The following FCGR1A variants were observed in gnomAD, a reference collection of about 807,000 sequenced individuals.
The protein encoded by FCGR1A is high affinity immunoglobulin gamma Fc receptor I.
A neutral mutation model predicts 35.0 loss-of-function variants in FCGR1A; 13 were observed. The ratio of observed to expected loss-of-function variants is 0.37; its 90% CI spans 0.24 to 0.59. The LOEUF (loss-of-function observed/expected upper bound fraction) is 0.59, where lower values mean the gene tolerates loss of function less well. Among genes scored for constraint, FCGR1A ranks in the 20% least tolerant of loss-of-function variants. FCGR1A has a pLI of 0.71. For synonymous variants in FCGR1A, 91 were observed against 164.7 expected (o/e 0.55, Z 3.43); for missense variants, 227 against 430.0 (o/e 0.53, Z 4.17).
intron 3 of FCGR1A, among the ~76,000 whole-genome samples, chr1:149,785,412 T>G (rs1195426404): frequency 7.7e-6 from 1 of 129,864 alleles, no homozygotes; most frequent in African/African-American, 2.8e-5. Context: ...TGTTTCGTTT[T>G]TTTTTTTTTT....
chr1:149,797,751 C>T, the FCGR1A span, among the ~76,000 whole-genome samples: 5 of 152,278 alleles, frequency 3.3e-5, no homozygotes, highest in South Asian at 2.1e-4. Context: ...GCGTGCACCA[C>T]GACATCCAGC....
chr1:149,783,787 C>T (rs1571381136), intron 2 of FCGR1A: 1 of 434,272 alleles, frequency 2.3e-6, no homozygotes, highest in East Asian at 3.4e-5. Flanking sequence ...ATTCCCAACA[C>T]CCAGATGAGG....
At chr1:149,790,542 C>G (rs2091681221) in intron 5 of FCGR1A, 2 of 963,036 alleles carry the variant, frequency 2.1e-6, no homozygotes, top group Middle Eastern at 3.4e-4. Context: ...CTTTCTTTTT[C>G]TTTTTCCTTT....
Position 149,791,275 on chromosome 1 carries a change from T to TTCTA in FCGR1A, c.887_890dup (p.Ala298SerfsTer19), listed in dbSNP as rs781902630. 17 of 1,604,640 alleles carry TTCTA rather than the reference T, an allele frequency of 1.1e-5. No individual in the cohort carries two copies. The highest frequency in any genetic ancestry group is 1.4e-5 in the Non-Finnish European group (16 of 1,176,800). ...AACTCCTGTCTGGTTTCATGTCCTT[T>TTCTA]TCTATCTGGCAGTGGGAATAATGTT... On this transcript the variant is annotated frameshift_variant, in exon 6 of 6. Transcript: ENST00000369168. LOFTEE classifies it high-confidence loss of function.
At chr1:149,800,525 G>A in the FCGR1A span, among the ~76,000 whole-genome samples, 20 of 141,734 alleles carry the variant, frequency 1.4e-4, no homozygotes, top group African/African-American at 4.1e-4. Context: ...TAAACAAAAC[G>A]ACATCACACT....
chr1:149,788,287 A>G, intron 3 of FCGR1A, 79 bp from the exon 4 acceptor site: 1 of 1,609,772 alleles, frequency 6.2e-7, no homozygotes, highest in Non-Finnish European at 8.5e-7. Flanking sequence ...GAGAAAAAAT[A>G]GGAAGCCCAC....
downstream of FCGR1A, among the ~76,000 whole-genome samples, chr1:149,796,183 C>T (rs2091798209): frequency 6.6e-6 from 1 of 152,168 alleles, no homozygotes; most frequent in African/African-American, 2.4e-5. Context: ...CTTTCCCCTT[C>T]ATCTCCCTAT....
Position 149,791,637 on chromosome 1 carries a change from A to C in FCGR1A, c.*120A>C. 1 of 1,509,736 alleles carries C rather than the reference A, an allele frequency of 6.6e-7. No homozygotes were observed. Among genetic ancestry groups the C allele is most frequent in the Non-Finnish European group, 8.9e-7 (1 of 1,129,634 alleles). The allele number at this position is 1,509,736 out of a possible 1,614,324, so 93.5% of individuals were successfully genotyped here. The stretch of plus-strand genomic sequence containing the variant: ...CAGAACTGTGTGTCTCATGGTATGT[A>C]ACTCTTAAAGCAAATAAATGAACTG... On this transcript the variant is annotated 3_prime_UTR_variant, in exon 6 of 6. Coordinates refer to ENST00000369168, the MANE Select transcript of FCGR1A (RefSeq NM_000566.4).
intron 3 of FCGR1A, chr1:149,785,570 C>A (rs2091526075): frequency 6.6e-6 from 1 of 151,704 alleles, no homozygotes; most frequent in African/African-American, 2.4e-5. Context: ...CAAGTGACAA[C>A]AAAAGGACTA....
At chr1:149,786,030 C>T (rs1484166118) in intron 3 of FCGR1A, 7 of 151,892 alleles carry the variant, frequency 4.6e-5, no homozygotes, top group Non-Finnish European at 8.8e-5. Flanking sequence ...CTGAGGGGCT[C>T]GGGTTGCTTC....
downstream of FCGR1A, chr1:149,792,447 G>A (rs1265900024): frequency 1.0e-6 from 1 of 963,342 alleles, no homozygotes; most frequent in African/African-American, 1.9e-5. Flanking sequence ...TAACATAGCT[G>A]AGGTAAAAAC....
intron 4 of FCGR1A, 44 bp downstream of exon 4, chr1:149,788,661 G>T: frequency 1.2e-6 from 2 of 1,610,098 alleles, no homozygotes; most frequent in Non-Finnish European, 1.7e-6. Context: ...CCCTCCCCCT[G>T]AGGGACCATC....
rs1431280798 is a variant in FCGR1A at position 149,790,096 on chromosome 1, C to A, written c.602C>A (p.Pro201Gln). 1 of 1,613,738 alleles carries A rather than the reference C, an allele frequency of 6.2e-7. No individual in the cohort carries two copies. Among genetic ancestry groups the A allele is most frequent in the African/African-American group, 1.3e-5 (1 of 74,782 alleles). ...APVLNASVTSPLLEGNLVTLS... is the reference protein window; with the variant it reads ...APVLNASVTSQLLEGNLVTLS... ...GTGCTGAATGCATCTGTGACATCCCCACTCCTGGAGGGGAATCTGGTCACC... is the reference window on the plus strand; with the variant it reads ...GTGCTGAATGCATCTGTGACATCCCAACTCCTGGAGGGGAATCTGGTCACC... The change falls in exon 5 of 6, where the codon CCA (proline) becomes CAA (glutamine). Residue 201 changes from proline (P) to glutamine (Q), a missense_variant. Pro to Gln is a moderately conservative substitution (Grantham distance 76, BLOSUM62 -1). Around this residue, in one of 3 missense-constraint regions of FCGR1A, gnomAD observed 185 missense variants for 306.6 expected, o/e 0.60. Coordinates refer to ENST00000369168, the MANE Select transcript of FCGR1A (RefSeq NM_000566.4).
rs587699110 is a variant in FCGR1A, at chr1:149,784,345, G to A, written c.307+88G>A. ...TCTGGATGCCAGATGTGTGTGTGTC[G>A]ATTTATCTGGGTGCAGGTCTCAGCA... is the stretch of plus-strand genomic sequence containing the variant. On this transcript the variant is annotated intron_variant, in intron 3 of 5. Coordinates refer to ENST00000369168, the MANE Select transcript of FCGR1A (RefSeq NM_000566.4). 409 of 1,610,782 alleles carry A rather than the reference G, an allele frequency of 2.5e-4. 2 individuals are homozygous for A. In the East Asian group the frequency reaches 7.2e-3, roughly 28 times the overall value.
At chr1:149,784,947 A>T (rs1199165890) in intron 3 of FCGR1A, among the ~76,000 whole-genome samples, 2 of 151,874 alleles carry the variant, frequency 1.3e-5, no homozygotes, top group Non-Finnish European at 2.9e-5. Flanking sequence ...TTGCTGCAAT[A>T]ATTATCTTTA....
chr1:149,793,152 G>A, downstream of FCGR1A: 3 of 1,279,058 alleles, frequency 2.3e-6, no homozygotes, highest in Non-Finnish European at 3.0e-6. Context: ...CGGAGAGGAG[G>A]ATTGGTAGAT....
At position 149,784,208 on chromosome 1, in the gene FCGR1A, G is replaced by C. The variant is rs781924551; in HGVS notation, c.258G>C (p.Gln86His). The part of the protein sequence containing the change: ...SVNDSGEYRC[Q>H]RGLSGRSDPI... ...ATGACAGTGGTGAATACAGGTGCCA[G>C]AGAGGTCTCTCAGGGCGAAGTGACC... Residue 86 changes from glutamine (Q) to histidine (H), a missense_variant, in exon 3 of 6, where the codon CAG becomes CAC. Coordinates refer to ENST00000369168, the MANE Select transcript of FCGR1A (RefSeq NM_000566.4). The C allele has an allele frequency of 6.2e-7, 1 of 1,611,380 alleles. No homozygotes were observed. Among genetic ancestry groups the C allele is most frequent in the Non-Finnish European group, 8.5e-7 (1 of 1,179,828 alleles).
chr1:149,784,193 T>C lies in FCGR1A; in HGVS notation c.243T>C (p.Gly81=), dbSNP rs1381905291. ...RITSASVNDS[G]EYRCQRGLSG... ...CCTCTGCCAGTGTCAATGACAGTGG[T>C]GAATACAGGTGCCAGAGAGGTCTCT... The change falls in exon 3 of 6, where the codon GGT becomes GGC. Residue 81 remains glycine (G), a synonymous_variant. Transcript: ENST00000369168. 1.2e-6 allele frequency: 2 copies of C among 1,611,072 alleles called. No individual in the cohort carries two copies. The highest frequency in any genetic ancestry group is 3.3e-5 in the Admixed American group (2 of 59,930).
the FCGR1A span, among the ~76,000 whole-genome samples, chr1:149,797,171 C>T: frequency 1.3e-5 from 2 of 152,200 alleles, no homozygotes; most frequent in Non-Finnish European, 2.9e-5. Flanking sequence ...CCTCGCCCTC[C>T]CAAAGTGCTG....
Sources: allele counts gnomAD v4.1 joint callset (sites outside exome capture counted in the v4.1 genomes callset), GRCh38; gene constraint gnomAD v4.1.1; regional missense constraint gnomAD v4.1.1; transcripts MANE v1.5; gene names NCBI Gene and HGNC (gene_info 2026-07-23, HGNC 2026-07-21).